Variants in KCNQ1 observed in about 807,000 individuals in gnomAD.
KCNQ1 encodes the protein potassium voltage-gated channel subfamily KQT member 1.
A neutral mutation model predicts 72.4 loss-of-function variants in KCNQ1; 49 were observed. The observed-to-expected ratio is 0.68, with a 90% CI of 0.54 to 0.86. KCNQ1 has a LOEUF of 0.86. Among genes scored for constraint, KCNQ1 ranks in the 40% least tolerant of loss-of-function variants. KCNQ1 has a pLI of 0.00. For missense variants in KCNQ1, 790 were observed against 945.1 expected (o/e 0.84, Z 2.15); for synonymous variants, 450 against 412.6 (o/e 1.09, Z -1.10).
chr11:2,539,661 C>G (rs138649273), intron 2 of KCNQ1, among the ~76,000 whole-genome samples: 1 of 152,340 alleles, frequency 6.6e-6, no homozygotes, highest in Admixed American at 6.5e-5. Context: ...CAGGCCAGTT[C>G]CCGTGTTTTC....
chr11:2,731,618 T>C (rs1020127118), intron 11 of KCNQ1, among the ~76,000 whole-genome samples: 4 of 152,236 alleles, frequency 2.6e-5, no homozygotes, highest in African/African-American at 4.8e-5. Flanking sequence ...GACCCATCTT[T>C]TGGGGGACCC....
chr11:2,609,794 A>C, intron 10 of KCNQ1: 1 of 398,248 alleles, frequency 2.5e-6, no homozygotes, highest in Non-Finnish European at 4.4e-6. Context: ...CTTCAGTAAC[A>C]TTCTTAATTT....
At chr11:2,589,758 G>A (rs1227533922) in intron 10 of KCNQ1, among the ~76,000 whole-genome samples, 3 of 152,242 alleles carry the variant, frequency 2.0e-5, no homozygotes, top group Admixed American at 6.5e-5. Flanking sequence ...CAGGTGACCT[G>A]TGGTGATGCC....
In KCNQ1 at chr11:2,642,494, G is replaced by C. The variant is rs1849594916; in HGVS notation, c.1394-19467G>C. ...ATCAGACTGAAGAGTTTTGATTTTT[G>C]TATTTCATGGTATGAGTTGTAATAT... On this transcript the variant is annotated intron_variant, in intron 10 of 15. Coordinates refer to ENST00000155840, the MANE Select transcript of KCNQ1 (RefSeq NM_000218.3). This position sits in a 1 kb window ranked among gnomAD's most constrained non-coding sequence, Gnocchi z 4.3. The C allele has an allele frequency of 2.5e-6, 1 of 397,874 alleles. No individual in the cohort carries two copies. Among genetic ancestry groups the C allele is most frequent in the Middle Eastern group, 6.3e-4 (1 of 1,580 alleles). 24.6% of individuals were successfully genotyped at this position (397,874 alleles called of 1,614,324 possible).
Position 2,645,675 on chromosome 11 carries a change from C to G in KCNQ1, c.1394-16286C>G. On this transcript the variant is annotated intron_variant, in intron 10 of 15. Transcript: ENST00000155840. The surrounding 1 kb of genome is among the most constrained non-coding windows in gnomAD (Gnocchi z 5.8). ...GGAGGTAGCAGAGTATTGCCAATGG[C>G]TCATGCTTTGGCCTGGAGGGAGCAG... 5.0e-6 allele frequency: 2 copies of G among 398,760 alleles called. No individual in the cohort carries two copies. Among genetic ancestry groups the G allele is most frequent in the East Asian group, 7.1e-5 (2 of 28,064 alleles). 24.7% of individuals were successfully genotyped at this position (398,760 alleles called of 1,614,324 possible).
rs1274854198 is a variant in KCNQ1 at position 2,647,966 on chromosome 11, T to C, written c.1394-13995T>C. On this transcript the variant is annotated intron_variant, in intron 10 of 15. Transcript: ENST00000155840. This position sits in a 1 kb window ranked among gnomAD's most constrained non-coding sequence, Gnocchi z 4.0. Reference sequence around the variant, plus strand: ...TGTTGGCTCACACCTGTAAACCCAGTACTTTGGAAGGCCAAGGCAGGCCGA... The same window carrying C: ...TGTTGGCTCACACCTGTAAACCCAGCACTTTGGAAGGCCAAGGCAGGCCGA... The C allele has an allele frequency of 2.5e-6, 1 of 397,388 alleles. No individual in the cohort carries two copies. The highest frequency in any genetic ancestry group is 4.4e-6 in the Non-Finnish European group (1 of 225,944). The allele number at this position is 397,388 out of a possible 1,614,324, so 24.6% of individuals were successfully genotyped here.
intron 11 of KCNQ1, among the ~76,000 whole-genome samples, chr11:2,737,296 C>T (rs1034542386): frequency 2.0e-5 from 3 of 152,148 alleles, no homozygotes; most frequent in African/African-American, 7.2e-5. Context: ...CGGGCAGCTG[C>T]TGCCGTGTGG....
intron 12 of KCNQ1, among the ~76,000 whole-genome samples, chr11:2,773,601 G>A (rs2133986394): frequency 6.6e-6 from 1 of 150,970 alleles, no homozygotes; most frequent in East Asian, 2.0e-4. Flanking sequence ...CCAAAAGGGG[G>A]GATCAGGGCT....
At chr11:2,797,514 C>A (rs1326426467) in intron 15 of KCNQ1, among the ~76,000 whole-genome samples, 2 of 152,202 alleles carry the variant, frequency 1.3e-5, no homozygotes. Flanking sequence ...CGTGGCTGTA[C>A]CAGCCCTGCA....
At chr11:2,846,509 C>T (rs1289219505) in intron 15 of KCNQ1, among the ~76,000 whole-genome samples, 5 of 152,208 alleles carry the variant, frequency 3.3e-5, no homozygotes, top group Admixed American at 6.5e-5. Flanking sequence ...CAGAGCTGTG[C>T]GCCCTCCCCG....
At chr11:2,556,379 C>T (rs1412680994) in intron 2 of KCNQ1, among the ~76,000 whole-genome samples, 1 of 152,170 alleles carries the variant, frequency 6.6e-6, no homozygotes, top group African/African-American at 2.4e-5. Flanking sequence ...GGTAGGAATA[C>T]CTACCTGTCA....
In KCNQ1 at chr11:2,651,992, AGTT is replaced by A; in HGVS notation, c.1394-9965_1394-9963del. 1 of 398,670 alleles carries A rather than the reference AGTT, an allele frequency of 2.5e-6. No individual in the cohort carries two copies. The highest frequency in any genetic ancestry group is 4.4e-6 in the Non-Finnish European group (1 of 226,098). The allele number at this position is 398,670 out of a possible 1,614,324, so 24.7% of individuals were successfully genotyped here. On this transcript the variant is annotated intron_variant, in intron 10 of 15. Transcript: ENST00000155840. The surrounding 1 kb of genome is among the most constrained non-coding windows in gnomAD (Gnocchi z 6.1). Reference sequence around the variant, plus strand: ...AGCTGAGTTGATTACTTTTGACATCAGTTGTTAACATAATTTTGATGTTGAGCC... The same window carrying A: ...AGCTGAGTTGATTACTTTTGACATCAGTTAACATAATTTTGATGTTGAGCC...
rs1039787326 is a variant in KCNQ1, at chr11:2,645,766, G to A, written c.1394-16195G>A. 2.3e-5 allele frequency: 9 copies of A among 398,698 alleles called. No homozygotes were observed. The highest frequency in any genetic ancestry group is 3.1e-5 in the Non-Finnish European group (7 of 226,238). 24.7% of individuals were successfully genotyped at this position (398,698 alleles called of 1,614,324 possible). On this transcript the variant is annotated intron_variant, in intron 10 of 15. Coordinates refer to ENST00000155840, the MANE Select transcript of KCNQ1 (RefSeq NM_000218.3). This position sits in a 1 kb window ranked among gnomAD's most constrained non-coding sequence, Gnocchi z 5.8. ...GGCTCCAGGGATGAGATAGAGGGATGTGGGGCCCACAGCAGATGCAGTCTG... is the reference window on the plus strand; with the variant it reads ...GGCTCCAGGGATGAGATAGAGGGATATGGGGCCCACAGCAGATGCAGTCTG...
chr11:2,811,312 C>T (rs1847481091), intron 15 of KCNQ1, among the ~76,000 whole-genome samples: 2 of 152,246 alleles, frequency 1.3e-5, no homozygotes, highest in Non-Finnish European at 2.9e-5. Flanking sequence ...AGCCTGTGAC[C>T]TCCTGGGGTG....
At chr11:2,510,517 GGAT>G (rs1847181745) in intron 1 of KCNQ1, among the ~76,000 whole-genome samples, 1 of 152,106 alleles carries the variant, frequency 6.6e-6, no homozygotes, top group Non-Finnish European at 1.5e-5. Flanking sequence ...TGAGGTGGGA[GGAT>G]CACTTGAGCC....
At chr11:2,797,479 G>A (rs1373781828) in intron 15 of KCNQ1, among the ~76,000 whole-genome samples, 1 of 152,186 alleles carries the variant, frequency 6.6e-6, no homozygotes, top group African/African-American at 2.4e-5. Context: ...CTTCCTAGCA[G>A]ACCTTCCAAA....
intron 11 of KCNQ1, among the ~76,000 whole-genome samples, chr11:2,702,179 G>C (rs1035069217): frequency 6.6e-6 from 1 of 152,212 alleles, no homozygotes; most frequent in African/African-American, 2.4e-5. Context: ...GGTCTTCAGA[G>C]TCATTTCACA....
In KCNQ1 at chr11:2,687,063, C is replaced by A. The variant is rs1850502157; in HGVS notation, c.1514+24982C>A. 2.5e-6 allele frequency: 1 copy of A among 398,530 alleles called. No individual in the cohort carries two copies. Among genetic ancestry groups the A allele is most frequent in the Admixed American group, 4.4e-5 (1 of 22,724 alleles). 24.7% of individuals were successfully genotyped at this position (398,530 alleles called of 1,614,324 possible). A position where few individuals can be genotyped will look rare whatever the true frequency, so the allele number is the denominator to read the frequency against. On this transcript the variant is annotated intron_variant, in intron 11 of 15. Transcript: ENST00000155840. This position sits in a 1 kb window ranked among gnomAD's most constrained non-coding sequence, Gnocchi z 5.0. ...CCCAGCTCTGGGGGACAAGGACCCA[C>A]AAAGTGATGCAAGATATCCTGAGTT...
chr11:2,617,604 A>G lies in KCNQ1; in HGVS notation c.1393+28750A>G. The G allele has an allele frequency of 2.5e-6, 1 of 398,386 alleles. No individual in the cohort carries two copies. 24.7% of individuals were successfully genotyped at this position (398,386 alleles called of 1,614,324 possible). ...AGAAGAGGGATTAGTGGGTCAGATG[A>G]TAGTATATTTTCAATTTCTTTAGGA... On this transcript the variant is annotated intron_variant, in intron 10 of 15. Transcript: ENST00000155840. The surrounding 1 kb of genome is among the most constrained non-coding windows in gnomAD (Gnocchi z 4.6).
Sources: allele counts gnomAD v4.1 joint callset (sites outside exome capture counted in the v4.1 genomes callset), GRCh38; gene constraint gnomAD v4.1.1; non-coding constraint Gnocchi (gnomAD v3.1); transcripts MANE v1.5; gene names NCBI Gene and HGNC (gene_info 2026-07-23, HGNC 2026-07-21).